CTXND2: variants seen among roughly 807,000 people sequenced by gnomAD.
CTXND2 encodes cortexin domain containing 2.
intron 1 of CTXND2, among the ~76,000 whole-genome samples, chr1:150,892,608 G>C (rs4970982): frequency 0.36 from 53,024 of 149,184 alleles, 9,762 homozygotes; most frequent in South Asian, 0.53. Flanking sequence ...AAATGAACTC[G>C]GCTCACTGCA....
At chr1:150,902,869 CACCTT>C (rs1270032827) in intron 1 of CTXND2, among the ~76,000 whole-genome samples, 1 of 151,962 alleles carries the variant, frequency 6.6e-6, no homozygotes, top group Non-Finnish European at 1.5e-5. Context: ...TCCCTCTGTA[CACCTT>C]TCTCCTACAG....
At chr1:150,908,011 C>CTT (rs745450518) in intron 1 of CTXND2, among the ~76,000 whole-genome samples, 9 of 120,392 alleles carry the variant, frequency 7.5e-5, no homozygotes, top group Admixed American at 3.4e-4. Context: ...GCCCAGCCAG[C>CTT]TTTTTTTTTT....
intron 1 of CTXND2, among the ~76,000 whole-genome samples, chr1:150,907,645 CAT>C (rs587663462): frequency 1.0e-3 from 153 of 150,864 alleles, no homozygotes; most frequent in African/African-American, 3.4e-3. Context: ...TGTGTGGTCA[CAT>C]GTTTTCATTT....
intron 1 of CTXND2, among the ~76,000 whole-genome samples, chr1:150,907,771 G>A (rs1159398956): frequency 9.7e-5 from 13 of 133,382 alleles, no homozygotes; most frequent in Admixed American, 3.4e-4. Context: ...GTGCAGTGGC[G>A]CAATCTTGGC....
chr1:150,900,076 G>A (rs1223114353), intron 1 of CTXND2, among the ~76,000 whole-genome samples: 3 of 152,184 alleles, frequency 2.0e-5, no homozygotes, highest in Non-Finnish European at 4.4e-5. Context: ...GGCCGCCTGA[G>A]CCAGCAGCAG....
At chr1:150,901,309 G>A (rs932248667) in intron 1 of CTXND2, among the ~76,000 whole-genome samples, 1 of 152,176 alleles carries the variant, frequency 6.6e-6, no homozygotes, top group African/African-American at 2.4e-5. Flanking sequence ...TTGTTAAGAT[G>A]CCAGTACTCT....
intron 1 of CTXND2, among the ~76,000 whole-genome samples, chr1:150,889,931 G>A (rs1299946932): frequency 2.0e-5 from 3 of 152,088 alleles, no homozygotes; most frequent in Admixed American, 2.0e-4. Context: ...GGGATACACA[G>A]TAAGATATGG....
At chr1:150,892,103 T>G (rs1178121717) in intron 1 of CTXND2, among the ~76,000 whole-genome samples, 1 of 152,154 alleles carries the variant, frequency 6.6e-6, no homozygotes, top group Non-Finnish European at 1.5e-5. Context: ...AATAAAATAT[T>G]CAGGCTGAAT....
chr1:150,892,528 C>CTTTTTTTTT (rs5777740), intron 1 of CTXND2, among the ~76,000 whole-genome samples: 5 of 123,348 alleles, frequency 4.1e-5, no homozygotes, highest in African/African-American at 6.0e-5. Flanking sequence ...TCTTCTTCTT[C>CTTTTTTTTT]TTTTTTTTTT....
chr1:150,893,847 C>G (rs1374472953), intron 1 of CTXND2, among the ~76,000 whole-genome samples: 1 of 152,132 alleles, frequency 6.6e-6, no homozygotes, highest in Non-Finnish European at 1.5e-5. Flanking sequence ...TCCTACTGCT[C>G]AAGGTCATCA....
chr1:150,905,761 C>G (rs587713139), intron 1 of CTXND2, among the ~76,000 whole-genome samples: 1 of 150,312 alleles, frequency 6.7e-6, no homozygotes, highest in African/African-American at 2.4e-5. Context: ...GAGGCCGAGA[C>G]GGGCAGATCA....
intron 1 of CTXND2, among the ~76,000 whole-genome samples, chr1:150,891,073 G>A (rs1268207928): frequency 6.6e-6 from 1 of 152,064 alleles, no homozygotes; most frequent in Admixed American, 6.6e-5. Context: ...TCTGACATTG[G>A]AGTTTCCACA....
chr1:150,899,856 G>A (rs1190294829), intron 1 of CTXND2, among the ~76,000 whole-genome samples: 1 of 152,150 alleles, frequency 6.6e-6, no homozygotes, highest in Non-Finnish European at 1.5e-5. Context: ...CTTCCTGGGT[G>A]GAGTGGGGAC....
chr1:150,910,112 T>C lies in CTXND2; in HGVS notation c.-73-2130T>C, dbSNP rs183109521. ...AGACCAGAAGGTCAATTTCTTTTTC[T>C]TTTTTCTGTTTTTTTTTTTTCTTTT... On this transcript the variant is annotated intron_variant, in intron 1 of 1. Coordinates refer to ENST00000636087, the Ensembl canonical transcript of CTXND2. Among the ~76,000 whole-genome samples the C allele has an allele frequency of 4.6e-5, 7 of 151,252 alleles. No homozygotes were observed. In the East Asian group the frequency reaches 1.3e-3, roughly 29 times the overall value.
chr1:150,905,391 C>A (rs984086032), intron 1 of CTXND2, among the ~76,000 whole-genome samples: 2 of 151,880 alleles, frequency 1.3e-5, no homozygotes, highest in African/African-American at 4.8e-5. Flanking sequence ...TGATCCCCCC[C>A]AACCTCGGCC....
intron 1 of CTXND2, chr1:150,903,923 AT>A: frequency 1.6e-6 from 1 of 644,042 alleles, no homozygotes; most frequent in East Asian, 3.4e-5. Flanking sequence ...AGGCAAGAAG[AT>A]TTTTGTTCAG....
At chr1:150,912,572 C>T (rs1015291642) in exon 2 of CTXND2, 1 of 397,550 alleles carries the variant, frequency 2.5e-6, no homozygotes, top group Non-Finnish European at 4.4e-6. Context: ...TGTTTCTCAG[C>T]CTTCTCACTC....
intron 1 of CTXND2, among the ~76,000 whole-genome samples, chr1:150,903,654 C>A (rs955856899): frequency 6.6e-6 from 1 of 151,800 alleles, no homozygotes; most frequent in Admixed American, 6.6e-5. Context: ...AAAAAATTTG[C>A]TGGAATGGTG....
chr1:150,902,026 G>A (rs1463264670), intron 1 of CTXND2, among the ~76,000 whole-genome samples: 2 of 152,150 alleles, frequency 1.3e-5, no homozygotes, highest in Non-Finnish European at 2.9e-5. Context: ...AGGACTTTGG[G>A]AGGCCGAGGC....
Sources: allele counts gnomAD v4.1 joint callset (sites outside exome capture counted in the v4.1 genomes callset), GRCh38; gene constraint gnomAD v4.1.1; transcripts MANE v1.5; gene names NCBI Gene and HGNC (gene_info 2026-07-23, HGNC 2026-07-21).